DACH2: variants seen among roughly 807,000 people sequenced by gnomAD.
DACH2 encodes the protein dachshund homolog 2.
In DACH2, 17 loss-of-function variants were observed where a neutral mutation model predicts 35.8. The observed-to-expected ratio is 0.48, with a 90% CI of 0.33 to 0.71. The LOEUF is 0.71. Among genes scored for constraint, DACH2 ranks in the 30% least tolerant of loss-of-function variants. The probability of loss-of-function intolerance (pLI) is 0.02; values close to 1 mark genes in which losing one functional copy is unlikely to be tolerated. For synonymous variants in DACH2, 195 were observed against 177.3 expected (o/e 1.10, Z -0.79); for missense variants, 469 against 472.7 (o/e 0.99, Z 0.07).
chrX:86,774,730 T>C (rs1261862199), intron 7 of DACH2, among the ~76,000 whole-genome samples: 1 of 112,151 alleles, frequency 8.9e-6, no homozygotes, highest in Admixed American at 9.5e-5. Context: ...AGCTGTGTTT[T>C]ATTTCACAAA....
chrX:86,697,403 C>T (rs1169906779), intron 5 of DACH2, among the ~76,000 whole-genome samples: 1 of 110,909 alleles, frequency 9.0e-6, no homozygotes, highest in Non-Finnish European at 1.9e-5. Context: ...GCCAGATCAG[C>T]ATAAAACCTA....
intron 1 of DACH2, among the ~76,000 whole-genome samples, chrX:86,325,075 C>G (rs2035088596): frequency 1.3e-5 from 1 of 78,555 alleles, no homozygotes; most frequent in Non-Finnish European, 2.3e-5. Context: ...GTAAACATAA[C>G]TTTTCTATGC....
intron 7 of DACH2, among the ~76,000 whole-genome samples, chrX:86,755,903 A>AT (rs1006980718): frequency 9.1e-6 from 1 of 110,079 alleles, no homozygotes; most frequent in African/African-American, 3.3e-5. Flanking sequence ...GGCCGACCTG[A>AT]TTTTTTTTAT....
intron 3 of DACH2, 124 bp downstream of exon 3, chrX:86,514,515 C>A: frequency 1.5e-6 from 1 of 649,231 alleles, no homozygotes; most frequent in Non-Finnish European, 2.2e-6. Context: ...GGTTACATTA[C>A]TGAATTTTTT....
chrX:86,547,683 A>C (rs1383776964), intron 3 of DACH2, among the ~76,000 whole-genome samples: 2 of 111,819 alleles, frequency 1.8e-5, no homozygotes, highest in Admixed American at 1.9e-4. Flanking sequence ...CACGTATTTT[A>C]AAATCTACTA....
intron 1 of DACH2, among the ~76,000 whole-genome samples, chrX:86,286,686 T>A (rs1315519489): frequency 9.0e-6 from 1 of 111,158 alleles, no homozygotes; most frequent in African/African-American, 3.3e-5. Flanking sequence ...ACCATTGTTT[T>A]AAGCTCATGA....
chrX:86,832,164 CG>C lies in DACH2; in HGVS notation c.*10del, dbSNP rs747390465. On this transcript the variant is annotated 3_prime_UTR_variant, in exon 12 of 12. Transcript: ENST00000373125. ...AGTTGTATTCAGCCTGAAAGGTCCT[CG>C]CTGGCTTTACATAAATGAAGATGCT... 8.5e-7 allele frequency: 1 copy of C among 1,171,861 alleles called. No homozygotes were observed. The highest frequency in any genetic ancestry group is 3.0e-5 in the East Asian group (1 of 33,466).
intron 3 of DACH2, among the ~76,000 whole-genome samples, chrX:86,649,459 C>T (rs1398158013): frequency 9.0e-6 from 1 of 110,698 alleles, no homozygotes; most frequent in African/African-American, 3.3e-5. Context: ...TAAATCATTG[C>T]CATCATATTT....
At position 86,713,468 on chromosome X, in the gene DACH2, T is replaced by C. The variant is rs193016614; in HGVS notation, c.932-1080T>C. Among the ~76,000 whole-genome samples, 183 of 111,711 alleles carry C rather than the reference T, an allele frequency of 1.6e-3. 1 individual carries two copies. Among genetic ancestry groups the C allele is most frequent in the African/African-American group, 5.7e-3 (177 of 30,876 alleles). On this transcript the variant is annotated intron_variant, in intron 5 of 11. Coordinates refer to ENST00000373125, the MANE Select transcript of DACH2 (RefSeq NM_053281.3). ...AAAAAAGGACGTTATTAATACTTAA[T>C]ACTTGTGCGCAGAATCAACATAAAT...
intron 2 of DACH2, among the ~76,000 whole-genome samples, chrX:86,410,462 G>A (rs903490514): frequency 9.0e-6 from 1 of 111,427 alleles, no homozygotes; most frequent in African/African-American, 3.3e-5. Context: ...AATTTTAATT[G>A]GAAACAAACA....
chrX:86,477,992 TAC>T (rs2037875042), intron 2 of DACH2, among the ~76,000 whole-genome samples: 1 of 111,852 alleles, frequency 8.9e-6, no homozygotes, highest in Non-Finnish European at 1.9e-5. Context: ...ATGAAAACTC[TAC>T]AGTTTAACTC....
At chrX:86,820,493 G>GA (rs2042500697) in intron 11 of DACH2, among the ~76,000 whole-genome samples, 3 of 107,823 alleles carry the variant, frequency 2.8e-5, no homozygotes, top group African/African-American at 6.7e-5. Context: ...TTTTTGCTCA[G>GA]AAAAAAGGGA....
chrX:86,721,441 C>G (rs1372969776), intron 6 of DACH2, among the ~76,000 whole-genome samples: 1 of 111,844 alleles, frequency 8.9e-6, no homozygotes, highest in Non-Finnish European at 1.9e-5. Context: ...TAGCAAGAGT[C>G]ACCTTTATTC....
intron 3 of DACH2, among the ~76,000 whole-genome samples, chrX:86,582,964 A>G (rs1286117468): frequency 1.8e-5 from 2 of 111,388 alleles, no homozygotes; most frequent in Admixed American, 9.6e-5. Flanking sequence ...AAATTTCTCA[A>G]CAAAATACTA....
At chrX:86,452,867 G>T (rs922791996) in intron 2 of DACH2, among the ~76,000 whole-genome samples, 1 of 110,798 alleles carries the variant, frequency 9.0e-6, no homozygotes, top group South Asian at 3.8e-4. Flanking sequence ...TAGCTTTTGG[G>T]TCTGTTTGCT....
At position 86,680,309 on chromosome X, in the gene DACH2, T is replaced by G. The variant is rs753314306; in HGVS notation, c.773-14712T>G. On this transcript the variant is annotated intron_variant, in intron 4 of 11. Coordinates refer to ENST00000373125, the MANE Select transcript of DACH2 (RefSeq NM_053281.3). ...CATTAGCACAAAATATATAATCATA[T>G]TTTGTAAACATCCATCTATTGTGTG... Among the ~76,000 whole-genome samples, 3 of 112,194 alleles carry G rather than the reference T, an allele frequency of 2.7e-5. No individual in the cohort carries two copies. In the South Asian group the frequency reaches 1.1e-3, roughly 41 times the overall value.
chrX:86,539,123 G>A (rs2038845342), intron 3 of DACH2, among the ~76,000 whole-genome samples: 2 of 110,969 alleles, frequency 1.8e-5, no homozygotes, highest in African/African-American at 3.3e-5. Context: ...GAGGGACCCG[G>A]CTGGAGATGA....
chrX:86,299,394 CAT>C (rs753632857), intron 1 of DACH2, among the ~76,000 whole-genome samples: 23 of 111,788 alleles, frequency 2.1e-4, no homozygotes, highest in African/African-American at 6.2e-4. Flanking sequence ...TATCCAGTGA[CAT>C]GTGTATAATG....
At chrX:86,276,857 C>A (rs1236798921) in intron 1 of DACH2, among the ~76,000 whole-genome samples, 1 of 111,364 alleles carries the variant, frequency 9.0e-6, no homozygotes, top group African/African-American at 3.3e-5. Flanking sequence ...GGATTTGTTT[C>A]TGGCTTCTCT....
Sources: gnomAD v4.1 joint callset for allele counts (sites outside exome capture counted in the v4.1 genomes callset) on GRCh38, gnomAD v4.1.1 for gene constraint, MANE v1.5 for transcripts, NCBI Gene and HGNC (gene_info 2026-07-23, HGNC 2026-07-21) for gene names.